The following CD80 variants were observed in gnomAD, a reference collection of about 807,000 sequenced individuals.
CD80 encodes the protein CD80 molecule, also known as T-lymphocyte activation antigen CD80.
A neutral mutation model predicts 27.1 loss-of-function variants in CD80; 13 were observed. The observed-to-expected ratio is 0.48, with a 90% CI of 0.31 to 0.76. CD80 has a LOEUF of 0.76. Ranked by LOEUF, CD80 falls within the 30% of genes least tolerant of loss-of-function variation. The pLI is 0.04. For synonymous variants in CD80, 125 were observed against 125.5 expected (o/e 1.00, Z 0.03); for missense variants, 277 against 347.9 (o/e 0.80, Z 1.62).
intron 6 of CD80, among the ~76,000 whole-genome samples, chr3:119,526,669 G>A (rs184379704): frequency 3.1e-4 from 47 of 152,316 alleles, no homozygotes; most frequent in Non-Finnish European, 5.7e-4. Flanking sequence ...AATAGATCTT[G>A]CTCATAGAGA....
At chr3:119,549,787 C>T (rs1189053905) in intron 2 of CD80, among the ~76,000 whole-genome samples, 1 of 152,112 alleles carries the variant, frequency 6.6e-6, no homozygotes, top group Non-Finnish European at 1.5e-5. Context: ...GGGAATATAA[C>T]TGAAAGAAAG....
At position 119,552,647 on chromosome 3, in the gene CD80, G is replaced by A. The variant is rs547761105; in HGVS notation, c.100+4982C>T. Among the ~76,000 whole-genome samples, 18 of 151,978 alleles carry A rather than the reference G, an allele frequency of 1.2e-4. 1 individual carries two copies. The South Asian group carries it at 3.7e-3, about 32-fold the overall frequency. Reference sequence around the variant, plus strand: ...GCCCAGGAAATCGAGACCAGCCTAGGCAACATAGCAAAAACCCCATCGCTA... The same window carrying A: ...GCCCAGGAAATCGAGACCAGCCTAGACAACATAGCAAAAACCCCATCGCTA... On this transcript the variant is annotated intron_variant, in intron 2 of 6. Coordinates refer to ENST00000264246, the MANE Select transcript of CD80 (RefSeq NM_005191.4).
At chr3:119,531,982 T>C (rs905707717) in intron 4 of CD80, among the ~76,000 whole-genome samples, 1 of 152,132 alleles carries the variant, frequency 6.6e-6, no homozygotes, top group Non-Finnish European at 1.5e-5. Context: ...TTCTTTTGCT[T>C]ATTGGACTTC....
At chr3:119,529,307 T>C (rs1035232323) in intron 5 of CD80, among the ~76,000 whole-genome samples, 2 of 152,172 alleles carry the variant, frequency 1.3e-5, no homozygotes, top group African/African-American at 4.8e-5. Context: ...ACTGTATTAG[T>C]GCATCTTGCC....
At chr3:119,526,758 C>T (rs1477480054) in intron 6 of CD80, among the ~76,000 whole-genome samples, 1 of 152,038 alleles carries the variant, frequency 6.6e-6, no homozygotes, top group Non-Finnish European at 1.5e-5. Flanking sequence ...TTTCATTTTT[C>T]TTTATATTTC....
At chr3:119,556,590 C>G (rs1413792691) in intron 2 of CD80, among the ~76,000 whole-genome samples, 5 of 152,190 alleles carry the variant, frequency 3.3e-5, no homozygotes, top group Non-Finnish European at 7.3e-5. Context: ...TAAAATAGCT[C>G]TGGACAGAAA....
chr3:119,538,506 C>T (rs2082151158), intron 3 of CD80, among the ~76,000 whole-genome samples: 1 of 152,198 alleles, frequency 6.6e-6, no homozygotes, highest in South Asian at 2.1e-4. Flanking sequence ...AAGGTAATCA[C>T]TATCACTATC....
intron 3 of CD80, among the ~76,000 whole-genome samples, chr3:119,538,487 C>T (rs1195752535): frequency 6.6e-6 from 1 of 152,218 alleles, no homozygotes; most frequent in East Asian, 1.9e-4. Flanking sequence ...CCCTCTCTTT[C>T]CCTTACCTAA....
At chr3:119,547,369 C>T (rs1419764950) in intron 2 of CD80, among the ~76,000 whole-genome samples, 1 of 152,246 alleles carries the variant, frequency 6.6e-6, no homozygotes, top group Non-Finnish European at 1.5e-5. Flanking sequence ...TTACCAACCT[C>T]TAAGGCTTTT....
chr3:119,550,734 C>G (rs2082226788), intron 2 of CD80, among the ~76,000 whole-genome samples: 1 of 152,166 alleles, frequency 6.6e-6, no homozygotes, highest in Non-Finnish European at 1.5e-5. Context: ...CATTGTAACA[C>G]CTACCCAACC....
intron 1 of CD80, among the ~76,000 whole-genome samples, chr3:119,558,488 C>T (rs1034294166): frequency 6.6e-6 from 1 of 152,132 alleles, no homozygotes; most frequent in Non-Finnish European, 1.5e-5. Context: ...CAGGGCCAGG[C>T]GTGGTGGCTC....
Position 119,537,335 on chromosome 3 carries a change from A to G in CD80, c.502T>C (p.Phe168Leu). 1.9e-6 allele frequency: 3 copies of G among 1,613,298 alleles called. No individual in the cohort carries two copies. Among genetic ancestry groups the G allele is most frequent in the Non-Finnish European group, 2.5e-6 (3 of 1,179,216 alleles). Residue 168 changes from phenylalanine (F) to leucine (L), a missense_variant, in exon 4 of 7, where the codon TTT becomes CTT. Physicochemically the swap from Phe to Leu is conservative, Grantham distance 22 (BLOSUM62 0). Transcript: ENST00000264246. ...AACCAGGAGAGGTGAGGCTCTGGAAAACCTCCAGAGGTTGAGCAAATTATC... is the reference window on the plus strand; with the variant it reads ...AACCAGGAGAGGTGAGGCTCTGGAAGACCTCCAGAGGTTGAGCAAATTATC... ...RRIICSTSGG[F>L]PEPHLSWLEN...
At chr3:119,551,797 C>T (rs1412442483) in intron 2 of CD80, among the ~76,000 whole-genome samples, 1 of 152,204 alleles carries the variant, frequency 6.6e-6, no homozygotes, top group African/African-American at 2.4e-5. Flanking sequence ...GCTGTTCTTT[C>T]TCATGCACAA....
At chr3:119,530,035 T>G (rs2082101317) in intron 4 of CD80, 98 bp from the exon 5 acceptor site, 1 of 843,182 alleles carries the variant, frequency 1.2e-6, no homozygotes, top group Admixed American at 2.1e-5. Flanking sequence ...GAGTATTCTT[T>G]GCCTGGTCAG....
intron 2 of CD80, among the ~76,000 whole-genome samples, chr3:119,556,565 G>C (rs2082266056): frequency 6.6e-6 from 1 of 152,106 alleles, no homozygotes; most frequent in Non-Finnish European, 1.5e-5. Flanking sequence ...TGTTTCTCTT[G>C]GTTCTGAAAC....
chr3:119,530,862 A>G (rs1306380318), intron 4 of CD80, among the ~76,000 whole-genome samples: 1 of 152,234 alleles, frequency 6.6e-6, no homozygotes, highest in Non-Finnish European at 1.5e-5. Flanking sequence ...AACATAAAAG[A>G]AATGTTCCCC....
intron 6 of CD80, chr3:119,527,500 C>G (rs1307891902): frequency 2.4e-5 from 11 of 457,884 alleles, no homozygotes; most frequent in South Asian, 1.5e-4. Context: ...AATTGGCTGA[C>G]AAGACAATTC....
chr3:119,545,938 T>G (rs1292737426), intron 2 of CD80, among the ~76,000 whole-genome samples: 1 of 152,238 alleles, frequency 6.6e-6, no homozygotes. Flanking sequence ...CAATAGTGTT[T>G]TCTATAGCAG....
At chr3:119,554,288 T>C (rs1258444506) in intron 2 of CD80, among the ~76,000 whole-genome samples, 1 of 152,104 alleles carries the variant, frequency 6.6e-6, no homozygotes, top group East Asian at 1.9e-4. Context: ...GGTATTCTCT[T>C]TTCTCCTAGC....
Sources: gnomAD v4.1 joint callset for allele counts (sites outside exome capture counted in the v4.1 genomes callset) on GRCh38, gnomAD v4.1.1 for gene constraint, MANE v1.5 for transcripts, NCBI Gene and HGNC (gene_info 2026-07-23, HGNC 2026-07-21) for gene names.